NELL2: variants seen among roughly 807,000 people sequenced by gnomAD.
The protein encoded by NELL2 is neural EGFL like 2, also known as protein kinase C-binding protein NELL2.
Under a neutral mutation model 109.6 loss-of-function variants are expected in NELL2, and 41 were observed. The observed-to-expected ratio is 0.37, with a 90% confidence interval of 0.29 to 0.49. The LOEUF is 0.49. NELL2 is among the 20% of genes least tolerant of loss of function. NELL2 has a pLI of 0.98. For missense variants in NELL2, 900 were observed against 1,008.3 expected (o/e 0.89, Z 1.45); for synonymous variants, 355 against 344.7 (o/e 1.03, Z -0.33).
At chr12:44,823,922 T>C (rs1013841292) in intron 2 of NELL2, among the ~76,000 whole-genome samples, 6 of 152,226 alleles carry the variant, frequency 3.9e-5, no homozygotes, top group Admixed American at 1.3e-4. Flanking sequence ...TTTTTGATAA[T>C]AGTCATTTTA....
At chr12:44,814,127 G>A (rs1448482285) in intron 3 of NELL2, among the ~76,000 whole-genome samples, 1 of 152,152 alleles carries the variant, frequency 6.6e-6, no homozygotes, top group East Asian at 1.9e-4. Context: ...CCATTGAAAT[G>A]CTGCCTGACA....
chr12:44,782,505 A>C (rs1430597142), intron 3 of NELL2, among the ~76,000 whole-genome samples: 1 of 151,966 alleles, frequency 6.6e-6, no homozygotes, highest in East Asian at 1.9e-4. Flanking sequence ...TAAGAAACTC[A>C]CTTCAAATAT....
intron 9 of NELL2, among the ~76,000 whole-genome samples, chr12:44,767,800 T>A (rs1941396126): frequency 2.0e-5 from 3 of 152,180 alleles, no homozygotes; most frequent in Admixed American, 1.3e-4. Context: ...AGACAGGCAA[T>A]GTGAGTAGAC....
intron 18 of NELL2, among the ~76,000 whole-genome samples, chr12:44,520,899 A>G (rs149714393): frequency 5.3e-5 from 8 of 152,336 alleles, no homozygotes; most frequent in South Asian, 2.1e-4. Context: ...GCCTTCGGGC[A>G]CAGAAACTGA....
chr12:44,908,785 C>T (rs966012957), intron 1 of NELL2, among the ~76,000 whole-genome samples: 7 of 151,860 alleles, frequency 4.6e-5, no homozygotes, highest in Non-Finnish European at 2.9e-5. Context: ...TTATTTTTGC[C>T]TTTTACAGAG....
At chr12:44,546,700 A>G (rs957687418) in intron 15 of NELL2, among the ~76,000 whole-genome samples, 1 of 152,146 alleles carries the variant, frequency 6.6e-6, no homozygotes, top group Admixed American at 6.6e-5. Flanking sequence ...TTAACAACCT[A>G]TTTTTTCATG....
At chr12:44,624,494 C>T (rs1347190877) in intron 13 of NELL2, among the ~76,000 whole-genome samples, 1 of 151,980 alleles carries the variant, frequency 6.6e-6, no homozygotes, top group Non-Finnish European at 1.5e-5. Context: ...TATCGTCTTT[C>T]CCCCAACCTC....
At chr12:44,544,411 G>A (rs1174496048) in intron 15 of NELL2, among the ~76,000 whole-genome samples, 1 of 152,000 alleles carries the variant, frequency 6.6e-6, no homozygotes, top group African/African-American at 2.4e-5. Flanking sequence ...ACACACCCTC[G>A]TAAGCATGGA....
chr12:44,574,330 A>G (rs978633956), intron 15 of NELL2, among the ~76,000 whole-genome samples: 1 of 152,168 alleles, frequency 6.6e-6, no homozygotes, highest in Non-Finnish European at 1.5e-5. Context: ...TATAATTACA[A>G]AAAGAGTTGA....
At chr12:44,656,219 GGTATCAC>G (rs1474444884) in intron 13 of NELL2, among the ~76,000 whole-genome samples, 31 of 152,174 alleles carry the variant, frequency 2.0e-4, no homozygotes, top group Middle Eastern at 6.8e-3. Context: ...TTAGTCCCTG[GGTATCAC>G]AATCTAACAT....
chr12:44,813,398 T>C (rs1440349671), intron 3 of NELL2, among the ~76,000 whole-genome samples: 2 of 152,186 alleles, frequency 1.3e-5, no homozygotes, highest in Non-Finnish European at 2.9e-5. Context: ...ATCTAGATAA[T>C]ATCTACATAA....
chr12:44,867,484 A>G (rs1200700208), intron 2 of NELL2, among the ~76,000 whole-genome samples: 1 of 152,222 alleles, frequency 6.6e-6, no homozygotes, highest in East Asian at 1.9e-4. Context: ...TCTCAACACA[A>G]TAAAGTTCAG....
chr12:44,556,637 C>A (rs554637446), intron 15 of NELL2, among the ~76,000 whole-genome samples: 1 of 152,302 alleles, frequency 6.6e-6, no homozygotes, highest in African/African-American at 2.4e-5. Flanking sequence ...GTTAAAGGTA[C>A]TAACCCAGCT....
chr12:44,800,495 AT>A (rs1244002424), intron 3 of NELL2, among the ~76,000 whole-genome samples: 2 of 152,170 alleles, frequency 1.3e-5, no homozygotes, highest in East Asian at 3.9e-4. Flanking sequence ...AGAACAAAGA[AT>A]TTTTAGGAAG....
At position 44,802,774 on chromosome 12, in the gene NELL2, A is replaced by G. The variant is rs566580023; in HGVS notation, c.335+13212T>C. The stretch of plus-strand genomic sequence containing the variant: ...AGTTGTTGATACTACCAGAATATGA[A>G]TAAGAGTAAGAGTAAAAACAAGTGT... On this transcript the variant is annotated intron_variant, in intron 3 of 19. Coordinates refer to ENST00000429094, the MANE Select transcript of NELL2 (RefSeq NM_001145108.2). Among the ~76,000 whole-genome samples the G allele has an allele frequency of 2.6e-5, 4 of 152,224 alleles. No individual in the cohort carries two copies. The South Asian group carries it at 6.2e-4, about 24-fold the overall frequency.
intron 13 of NELL2, among the ~76,000 whole-genome samples, chr12:44,657,492 A>T (rs542590509): frequency 6.6e-5 from 10 of 152,138 alleles, no homozygotes; most frequent in East Asian, 1.9e-4. Flanking sequence ...TCTTTTTTTT[A>T]AATTATACTT....
intron 3 of NELL2, among the ~76,000 whole-genome samples, chr12:44,792,374 A>G (rs1592544387): frequency 6.6e-6 from 1 of 152,158 alleles, no homozygotes; most frequent in Non-Finnish European, 1.5e-5. Context: ...CTGGTGAGAA[A>G]TACTATACGT....
intron 3 of NELL2, among the ~76,000 whole-genome samples, chr12:44,809,157 A>T (rs1943094162): frequency 6.6e-6 from 1 of 152,094 alleles, no homozygotes; most frequent in Non-Finnish European, 1.5e-5. Context: ...CACATGAAGG[A>T]TAACATAAGG....
At chr12:44,724,136 C>T (rs562740403) in intron 9 of NELL2, among the ~76,000 whole-genome samples, 14 of 151,798 alleles carry the variant, frequency 9.2e-5, no homozygotes, top group South Asian at 2.1e-4. Context: ...CAACCTAACA[C>T]GAGATCAGAA....
Sources: allele counts gnomAD v4.1 joint callset (sites outside exome capture counted in the v4.1 genomes callset), GRCh38; gene constraint gnomAD v4.1.1; transcripts MANE v1.5; gene names NCBI Gene and HGNC (gene_info 2026-07-23, HGNC 2026-07-21).